Variants in LRP1B observed in about 807,000 individuals in gnomAD.
LRP1B encodes LDL receptor related protein 1B, also known as low-density lipoprotein receptor-related protein 1B.
LRP1B carries 217 observed loss-of-function variants against 556.6 expected under a neutral mutation model. That is an observed-to-expected ratio of 0.39 (90% CI 0.35 to 0.44). The LOEUF is 0.44. Among genes scored for constraint, LRP1B ranks in the 20% least tolerant of loss-of-function variants. LRP1B has a pLI of 1.00. For synonymous variants in LRP1B, 2,047 were observed against 1,865.8 expected (o/e 1.10, Z -2.50); for missense variants, 5,053 against 5,620.8 (o/e 0.90, Z 3.23).
chr2:141,503,176 TATA>T lies in LRP1B; in HGVS notation c.206-22646_206-22644del, dbSNP rs1190654212. Among the ~76,000 whole-genome samples the T allele has an allele frequency of 3.4e-5, 5 of 148,088 alleles. No homozygotes were observed. In the South Asian group the frequency reaches 6.3e-4, roughly 19 times the overall value. ...TTATATATGAGTAATACATGAATAA[TATA>T]ATAAAGTAAACATGAATTTACTTTA... On this transcript the variant is annotated intron_variant, in intron 2 of 90. Transcript: ENST00000389484.
chr2:140,254,857 C>T (rs1340495266), intron 86 of LRP1B, among the ~76,000 whole-genome samples: 3 of 151,974 alleles, frequency 2.0e-5, no homozygotes, highest in Non-Finnish European at 4.4e-5. Context: ...GTGCCTGGCC[C>T]CAAGATTTCT....
intron 1 of LRP1B, among the ~76,000 whole-genome samples, chr2:141,975,061 T>C (rs559079473): frequency 7.2e-4 from 109 of 152,202 alleles, no homozygotes; most frequent in African/African-American, 2.6e-3. Context: ...CATTGCATCA[T>C]GTGCTCTGCA....
chr2:142,125,493 C>A (rs1278388381), intron 1 of LRP1B, among the ~76,000 whole-genome samples: 1 of 151,668 alleles, frequency 6.6e-6, no homozygotes, highest in Non-Finnish European at 1.5e-5. Context: ...GGAAATTAGT[C>A]CAAAAACCAA....
intron 7 of LRP1B, among the ~76,000 whole-genome samples, chr2:141,175,226 G>A (rs1241635924): frequency 6.6e-6 from 1 of 152,120 alleles, no homozygotes; most frequent in East Asian, 1.9e-4. Context: ...GCATGTGATA[G>A]AAAAGAAAAA....
intron 83 of LRP1B, among the ~76,000 whole-genome samples, chr2:140,300,345 C>T (rs1683769158): frequency 6.6e-6 from 1 of 152,032 alleles, no homozygotes; most frequent in Admixed American, 6.6e-5. Context: ...GTATAATGGG[C>T]CCTATTTGCT....
At position 140,475,301 on chromosome 2, in the gene LRP1B, A is replaced by G. The variant is rs148959139; in HGVS notation, c.9462T>C (p.His3154=). Residue 3154 remains histidine (H), a synonymous_variant, in exon 60 of 91, where the codon CAT becomes CAC. Transcript: ENST00000389484. Reference sequence around the variant, plus strand: ...TTCCATCCATTCCAACACGGCCAATATGAGGATACTCGCAGCAGTCAATCC... The same window carrying G: ...TTCCATCCATTCCAACACGGCCAATGTGAGGATACTCGCAGCAGTCAATCC... ...LYWIDCCEYP[H]IGRVGMDGTN... The G allele has an allele frequency of 1.4e-5, 23 of 1,608,724 alleles. No individual in the cohort carries two copies. In the African/African-American group the frequency reaches 2.8e-4, roughly 20 times the overall value.
intron 23 of LRP1B, among the ~76,000 whole-genome samples, chr2:140,895,325 G>A (rs538218451): frequency 1.3e-5 from 2 of 152,266 alleles, no homozygotes; most frequent in South Asian, 4.1e-4. Context: ...GTGGGCTGCC[G>A]AACAAACAGC....
intron 6 of LRP1B, among the ~76,000 whole-genome samples, chr2:141,215,066 G>A (rs1309699304): frequency 6.6e-6 from 1 of 152,196 alleles, no homozygotes; most frequent in East Asian, 1.9e-4. Flanking sequence ...GTGGGGACTG[G>A]TGGGTGATGT....
At chr2:141,666,208 A>T (rs1000800751) in intron 2 of LRP1B, among the ~76,000 whole-genome samples, 1 of 152,202 alleles carries the variant, frequency 6.6e-6, no homozygotes, top group Non-Finnish European at 1.5e-5. Context: ...AATTCTGTGG[A>T]AAGTTCAAAT....
rs905576807 is a variant in LRP1B, at chr2:140,380,917, G to A, written c.10532-2631C>T. 1.3e-4 allele frequency among the ~76,000 whole-genome samples: 20 copies of A among 152,302 alleles called. No individual in the cohort carries two copies. In the East Asian group the frequency reaches 3.9e-3, roughly 29 times the overall value. ...TTAATTATTCTGCTTCAAAATGGCA[G>A]TAGAGAGGCTGAGAGATTTGCTGGG... On this transcript the variant is annotated intron_variant, in intron 67 of 90. Transcript: ENST00000389484.
intron 79 of LRP1B, 142 bp downstream of exon 79, chr2:140,334,311 T>C (rs956347088): frequency 2.7e-5 from 16 of 595,146 alleles, no homozygotes; most frequent in Non-Finnish European, 4.7e-5. Flanking sequence ...AAATGAAATG[T>C]AAATAACTTC....
At chr2:141,452,378 A>G (rs998274849) in intron 3 of LRP1B, among the ~76,000 whole-genome samples, 1 of 152,086 alleles carries the variant, frequency 6.6e-6, no homozygotes, top group Admixed American at 6.6e-5. Flanking sequence ...CTTTTTTTTG[A>G]TGATGGAAAT....
At chr2:141,883,578 G>T (rs972329322) in intron 1 of LRP1B, among the ~76,000 whole-genome samples, 3 of 152,110 alleles carry the variant, frequency 2.0e-5, no homozygotes, top group African/African-American at 7.2e-5. Context: ...ACAAAAAATA[G>T]TCAGGTGTAG....
At chr2:141,165,826 A>G (rs944791599) in intron 7 of LRP1B, among the ~76,000 whole-genome samples, 2 of 152,116 alleles carry the variant, frequency 1.3e-5, no homozygotes, top group East Asian at 1.9e-4. Context: ...AATGCTAGCT[A>G]TAACAAGGTT....
chr2:140,903,324 T>A (rs917089059), intron 22 of LRP1B, among the ~76,000 whole-genome samples, 159 bp from the exon 23 acceptor site: 1 of 152,180 alleles, frequency 6.6e-6, no homozygotes, highest in Non-Finnish European at 1.5e-5. Flanking sequence ...GGGGTTGGTA[T>A]AGAAATGATG....
intron 43 of LRP1B, among the ~76,000 whole-genome samples, chr2:140,588,217 T>C (rs755087844): frequency 5.9e-5 from 9 of 152,272 alleles, no homozygotes; most frequent in Middle Eastern, 3.4e-3. Context: ...CTAAGTTGTT[T>C]GATGGTTGAA....
chr2:142,041,332 A>G (rs2105215385), intron 1 of LRP1B, among the ~76,000 whole-genome samples: 1 of 151,564 alleles, frequency 6.6e-6, no homozygotes, highest in South Asian at 2.1e-4. Context: ...CTAGTTAGTC[A>G]TGTGGAAGCT....
intron 3 of LRP1B, among the ~76,000 whole-genome samples, chr2:141,392,245 C>T (rs1469938095): frequency 2.0e-5 from 3 of 151,746 alleles, no homozygotes; most frequent in Non-Finnish European, 4.4e-5. Context: ...ATAGATACTC[C>T]CCATGTAATT....
intron 1 of LRP1B, among the ~76,000 whole-genome samples, chr2:141,876,814 C>T (rs1397698802): frequency 2.0e-5 from 3 of 151,790 alleles, no homozygotes; most frequent in Non-Finnish European, 4.4e-5. Flanking sequence ...CCCCAACCCC[C>T]GACACACAAA....
Sources: allele counts gnomAD v4.1 joint callset (sites outside exome capture counted in the v4.1 genomes callset), GRCh38; gene constraint gnomAD v4.1.1; transcripts MANE v1.5; gene names NCBI Gene and HGNC (gene_info 2026-07-23, HGNC 2026-07-21).